Variants in CDH13 observed in about 807,000 individuals in gnomAD.
CDH13 encodes cadherin-13.
A neutral mutation model predicts 63.8 loss-of-function variants in CDH13; 24 were observed. The ratio of observed to expected loss-of-function variants is 0.38; its 90% CI spans 0.27 to 0.53. The LOEUF (loss-of-function observed/expected upper bound fraction) is 0.53. CDH13 is among the 20% of genes least tolerant of loss of function. CDH13 has a pLI of 0.85. For missense variants in CDH13, 1,049 were observed against 903.1 expected, an observed-to-expected ratio of 1.16 and a Z score of -2.07; for synonymous variants, 503 against 355.3, an observed-to-expected ratio of 1.42 and a Z score of -4.67.
chr16:83,521,345 GAA>G (rs532162703), intron 7 of CDH13, among the ~76,000 whole-genome samples: 1 of 141,582 alleles, frequency 7.1e-6, no homozygotes, highest in Non-Finnish European at 1.6e-5. Flanking sequence ...TGAAATTTAG[GAA>G]AAAAAAAAAG....
chr16:82,874,284 A>G (rs187418154), intron 2 of CDH13, among the ~76,000 whole-genome samples: 13 of 152,302 alleles, frequency 8.5e-5, no homozygotes, highest in Non-Finnish European at 1.5e-4. Flanking sequence ...TGCAGTCCTT[A>G]GAACATTCCC....
chr16:82,757,384 GGTTTTC>G (rs2034650993), intron 1 of CDH13, among the ~76,000 whole-genome samples: 1 of 152,170 alleles, frequency 6.6e-6, no homozygotes, highest in Non-Finnish European at 1.5e-5. Context: ...TGAGCTTACA[GGTTTTC>G]AAAGAATGCT....
intron 7 of CDH13, among the ~76,000 whole-genome samples, chr16:83,568,748 T>C (rs1019667693): frequency 4.6e-5 from 7 of 152,236 alleles, no homozygotes; most frequent in Admixed American, 2.0e-4. Flanking sequence ...TTGTAAAGGA[T>C]CCTCACTCTC....
At chr16:83,748,579 C>A (rs1444453654) in intron 11 of CDH13, among the ~76,000 whole-genome samples, 1 of 152,180 alleles carries the variant, frequency 6.6e-6, no homozygotes, top group Non-Finnish European at 1.5e-5. Flanking sequence ...CAAAGAGGCT[C>A]TTGGACTTAA....
intron 7 of CDH13, among the ~76,000 whole-genome samples, chr16:83,567,822 C>G (rs1567770658): frequency 6.6e-6 from 1 of 151,820 alleles, no homozygotes; most frequent in Non-Finnish European, 1.5e-5. Flanking sequence ...GTCTCAATCT[C>G]CTGACCTCGT....
At chr16:83,566,442 C>T (rs193261967) in intron 7 of CDH13, among the ~76,000 whole-genome samples, 203 of 152,194 alleles carry the variant, frequency 1.3e-3, no homozygotes, top group Middle Eastern at 3.4e-3. Flanking sequence ...TGTGGGAAAC[C>T]GAAACACCCT....
At chr16:82,675,168 A>G (rs1296391862) in intron 1 of CDH13, among the ~76,000 whole-genome samples, 3 of 152,234 alleles carry the variant, frequency 2.0e-5, no homozygotes, top group Non-Finnish European at 4.4e-5. Flanking sequence ...AAAAATGTGT[A>G]AAAGACACAC....
intron 7 of CDH13, among the ~76,000 whole-genome samples, chr16:83,493,138 A>T (rs1054729926): frequency 3.3e-5 from 5 of 152,228 alleles, no homozygotes; most frequent in African/African-American, 4.8e-5. Context: ...GAAAAAATTC[A>T]AATAAGATGT....
At chr16:83,480,723 G>C (rs953630311) in intron 6 of CDH13, among the ~76,000 whole-genome samples, 7 of 152,166 alleles carry the variant, frequency 4.6e-5, no homozygotes, top group Non-Finnish European at 8.8e-5. Context: ...AATCCCCTCA[G>C]TCCTGGGAGA....
At chr16:82,678,641 C>G (rs905447470) in intron 1 of CDH13, among the ~76,000 whole-genome samples, 2 of 152,114 alleles carry the variant, frequency 1.3e-5, no homozygotes, top group African/African-American at 2.4e-5. Context: ...TGGATCTTTC[C>G]TTGAAGCTAA....
At chr16:83,458,171 C>T (rs2073074769) in intron 6 of CDH13, among the ~76,000 whole-genome samples, 1 of 152,206 alleles carries the variant, frequency 6.6e-6, no homozygotes, top group Non-Finnish European at 1.5e-5. Flanking sequence ...GTGCCTGCTC[C>T]TGCTGGATCC....
intron 1 of CDH13, among the ~76,000 whole-genome samples, chr16:82,642,733 T>C (rs1337544379): frequency 2.0e-5 from 3 of 152,230 alleles, no homozygotes; most frequent in African/African-American, 7.2e-5. Flanking sequence ...TAATAGTAGC[T>C]GATATCAGTG....
intron 5 of CDH13, among the ~76,000 whole-genome samples, chr16:83,228,510 G>C (rs779567800): frequency 6.6e-6 from 1 of 152,200 alleles, no homozygotes; most frequent in African/African-American, 2.4e-5. Flanking sequence ...TGCAACAATC[G>C]ACTATATTAT....
At chr16:83,017,762 A>G (rs1914946398) in intron 2 of CDH13, among the ~76,000 whole-genome samples, 1 of 152,178 alleles carries the variant, frequency 6.6e-6, no homozygotes, top group Non-Finnish European at 1.5e-5. Flanking sequence ...CAATTCATGT[A>G]ATCCCCAAGG....
At chr16:82,687,783 T>A (rs929467018) in intron 1 of CDH13, among the ~76,000 whole-genome samples, 5 of 152,276 alleles carry the variant, frequency 3.3e-5, no homozygotes, top group Middle Eastern at 3.4e-3. Context: ...GATCTCATTC[T>A]ATCAAAGTTG....
At chr16:82,927,081 T>G (rs547557577) in intron 2 of CDH13, among the ~76,000 whole-genome samples, 1 of 152,266 alleles carries the variant, frequency 6.6e-6, no homozygotes, top group East Asian at 1.9e-4. Context: ...GCTTGGTGGT[T>G]GATTCTGGCT....
chr16:83,795,068 A>G lies in CDH13; in HGVS notation c.*38A>G. ...TCTGAAGCTTGACTCCCAAGTTTCC[A>G]TAGCAACAGGAAAAAAAAAAATCTA... is the stretch of plus-strand genomic sequence containing the variant. On this transcript the variant is annotated 3_prime_UTR_variant, in exon 14 of 14. Transcript: ENST00000567109. 6.4e-7 allele frequency: 1 copy of G among 1,558,274 alleles called. No homozygotes were observed. Among genetic ancestry groups the G allele is most frequent in the Non-Finnish European group, 8.7e-7 (1 of 1,151,238 alleles).
At chr16:83,493,459 G>A (rs191146182) in intron 7 of CDH13, among the ~76,000 whole-genome samples, 41 of 152,330 alleles carry the variant, frequency 2.7e-4, no homozygotes, top group Admixed American at 2.3e-3. Context: ...CTGCATTGGA[G>A]GTAAAGCAGA....
intron 2 of CDH13, among the ~76,000 whole-genome samples, chr16:82,996,085 A>G (rs964658672): frequency 1.3e-5 from 2 of 152,170 alleles, no homozygotes; most frequent in African/African-American, 4.8e-5. Context: ...CTTACCGGGC[A>G]AAAGCATAGC....
Sources: allele counts gnomAD v4.1 joint callset (sites outside exome capture counted in the v4.1 genomes callset), GRCh38; gene constraint gnomAD v4.1.1; transcripts MANE v1.5; gene names NCBI Gene and HGNC (gene_info 2026-07-23, HGNC 2026-07-21).